MDGA2: variants seen among roughly 807,000 people sequenced by gnomAD.
The protein encoded by MDGA2 is MAM domain-containing glycosylphosphatidylinositol anchor protein 2.
MDGA2 carries 40 observed loss-of-function variants against 117.8 expected under a neutral mutation model. That is an observed-to-expected ratio of 0.34 (90% CI 0.26 to 0.44). The LOEUF is 0.44. Ranked by LOEUF, MDGA2 falls within the 20% of genes least tolerant of loss-of-function variation. The pLI, the probability that MDGA2 is intolerant of heterozygous loss-of-function variation, is 1.00. For synonymous variants in MDGA2, 452 were observed against 439.0 expected (o/e 1.03, Z -0.37); for missense variants, 1,123 against 1,250.6 (o/e 0.90, Z 1.54).
intron 15 of MDGA2, among the ~76,000 whole-genome samples, chr14:46,848,304 A>G (rs750279867): frequency 2.6e-5 from 4 of 151,990 alleles, no homozygotes; most frequent in African/African-American, 4.8e-5. Flanking sequence ...TTTGAAGAAA[A>G]TACACTTTTT....
chr14:47,360,344 T>G (rs1402850092), intron 1 of MDGA2, among the ~76,000 whole-genome samples: 3 of 94,282 alleles, frequency 3.2e-5, no homozygotes, highest in Non-Finnish European at 7.2e-5. Context: ...GGAGTGAGAG[T>G]CCATCTCAAA....
rs1896415734 is a variant in MDGA2, at chr14:47,590,474, T to C, written c.280+84043A>G. 2.0e-5 allele frequency among the ~76,000 whole-genome samples: 3 copies of C among 151,846 alleles called. No individual in the cohort carries two copies. The Admixed American group carries it at 2.0e-4, about 10-fold the overall frequency. On this transcript the variant is annotated intron_variant, in intron 1 of 16. Transcript: ENST00000399232. ...TTAGAAAGAAAATACAGGGCATGAT[T>C]ATGAATACTAGGTACAATTTTTACA...
intron 1 of MDGA2, among the ~76,000 whole-genome samples, chr14:47,367,366 A>G (rs1429562853): frequency 2.0e-5 from 3 of 152,202 alleles, no homozygotes; most frequent in Admixed American, 6.5e-5. Context: ...TATGAAACCA[A>G]TTAAGAGTTC....
chr14:47,189,802 TTGTC>T (rs1885044407), intron 3 of MDGA2, among the ~76,000 whole-genome samples: 1 of 152,134 alleles, frequency 6.6e-6, no homozygotes, highest in Non-Finnish European at 1.5e-5. Flanking sequence ...TTTAATCACT[TTGTC>T]AGGTAGGAGA....
intron 1 of MDGA2, among the ~76,000 whole-genome samples, chr14:47,663,592 G>A (rs1420333679): frequency 6.6e-6 from 1 of 152,120 alleles, no homozygotes; most frequent in Non-Finnish European, 1.5e-5. Flanking sequence ...ACAGTTTAAT[G>A]GTGAGCAAAG....
intron 1 of MDGA2, among the ~76,000 whole-genome samples, chr14:47,628,508 T>G (rs1897193242): frequency 6.6e-6 from 1 of 152,242 alleles, no homozygotes; most frequent in Admixed American, 6.5e-5. Flanking sequence ...CTATGTAACT[T>G]TGTAACACTA....
At chr14:47,613,538 T>C (rs1566541935) in intron 1 of MDGA2, among the ~76,000 whole-genome samples, 1 of 149,616 alleles carries the variant, frequency 6.7e-6, no homozygotes, top group African/African-American at 2.5e-5. Context: ...ATCCCAGAAA[T>C]AAACAAATCC....
chr14:47,493,076 C>A (rs557038286), intron 1 of MDGA2, among the ~76,000 whole-genome samples: 139 of 151,810 alleles, frequency 9.2e-4, no homozygotes, highest in African/African-American at 3.1e-3. Flanking sequence ...TAATACAGTG[C>A]ATAGGTATCA....
At chr14:47,468,393 G>A (rs536661336) in intron 1 of MDGA2, among the ~76,000 whole-genome samples, 16 of 152,240 alleles carry the variant, frequency 1.1e-4, no homozygotes, top group African/African-American at 3.6e-4. Context: ...TGCTGCAGTT[G>A]AAAAGTCTGA....
chr14:47,520,172 T>G (rs977443047), intron 1 of MDGA2, among the ~76,000 whole-genome samples: 6 of 152,316 alleles, frequency 3.9e-5, no homozygotes, highest in African/African-American at 1.4e-4. Flanking sequence ...ACTTCACTTA[T>G]TCTCAGGAGC....
chr14:47,402,547 T>C (rs537412059), intron 1 of MDGA2, among the ~76,000 whole-genome samples: 1 of 152,218 alleles, frequency 6.6e-6, no homozygotes, highest in African/African-American at 2.4e-5. Context: ...CTACAAAGCA[T>C]GTGTATTTTG....
intron 1 of MDGA2, among the ~76,000 whole-genome samples, chr14:47,518,366 C>T (rs893975806): frequency 1.3e-5 from 2 of 151,790 alleles, no homozygotes; most frequent in African/African-American, 4.8e-5. Flanking sequence ...TAAATAATTT[C>T]TAAAAAAACA....
In MDGA2 at chr14:46,931,719, C is replaced by T. The variant is rs201970629; in HGVS notation, c.2090-11559G>A. 7.6e-4 allele frequency among the ~76,000 whole-genome samples: 115 copies of T among 151,958 alleles called. No individual in the cohort carries two copies. In the East Asian group the frequency reaches 0.017, roughly 23 times the overall value. On this transcript the variant is annotated intron_variant, in intron 9 of 16. Transcript: ENST00000399232. Reference sequence around the variant, plus strand: ...TGTATTTTTAGTAGAGACGGGGTTTCGCCATGTTGGCCAGGTTGGTCTTGA... The same window carrying T: ...TGTATTTTTAGTAGAGACGGGGTTTTGCCATGTTGGCCAGGTTGGTCTTGA...
At chr14:47,628,067 G>C (rs1338575595) in intron 1 of MDGA2, among the ~76,000 whole-genome samples, 3 of 152,156 alleles carry the variant, frequency 2.0e-5, no homozygotes, top group Admixed American at 6.5e-5. Context: ...TTTTGGTGGG[G>C]TAGGTAGGTA....
chr14:47,557,997 G>C, intron 1 of MDGA2, among the ~76,000 whole-genome samples: 1 of 152,180 alleles, frequency 6.6e-6, no homozygotes, highest in East Asian at 1.9e-4. Context: ...TGAGATATCA[G>C]TGTGAATAGT....
At chr14:47,279,249 C>T (rs575215804) in intron 2 of MDGA2, among the ~76,000 whole-genome samples, 1 of 152,184 alleles carries the variant, frequency 6.6e-6, no homozygotes, top group South Asian at 2.1e-4. Context: ...AGTATATTAT[C>T]AATTACTTTT....
intron 1 of MDGA2, among the ~76,000 whole-genome samples, chr14:47,610,521 C>G (rs1281900326): frequency 6.6e-6 from 1 of 151,924 alleles, no homozygotes. Flanking sequence ...CAACAGCAAC[C>G]AAGCGGAGAA....
intron 8 of MDGA2, among the ~76,000 whole-genome samples, chr14:47,028,142 C>T (rs1383589047): frequency 1.3e-5 from 2 of 152,024 alleles, no homozygotes; most frequent in African/African-American, 4.8e-5. Context: ...CAAGTCAAAG[C>T]TCTCTTCGAA....
chr14:46,952,345 G>A (rs1885398798), intron 9 of MDGA2, among the ~76,000 whole-genome samples: 1 of 151,936 alleles, frequency 6.6e-6, no homozygotes, highest in Non-Finnish European at 1.5e-5. Flanking sequence ...TAAGTAGTCA[G>A]GGTTATAAGA....
Sources: gnomAD v4.1 joint callset for allele counts (sites outside exome capture counted in the v4.1 genomes callset) on GRCh38, gnomAD v4.1.1 for gene constraint, MANE v1.5 for transcripts, NCBI Gene and HGNC (gene_info 2026-07-23, HGNC 2026-07-21) for gene names.